Variants in SOX5 observed in about 807,000 individuals in gnomAD.
The protein encoded by SOX5 is SRY-box transcription factor 5.
A neutral mutation model predicts 92.0 loss-of-function variants in SOX5; 9 were observed. The ratio of observed to expected loss-of-function variants is 0.10; its 90% CI spans 0.06 to 0.17. The LOEUF (loss-of-function observed/expected upper bound fraction) is 0.17. Ranked by LOEUF, SOX5 falls within the 10% of genes least tolerant of loss-of-function variation. The pLI, the probability that SOX5 is intolerant of heterozygous loss-of-function variation, is 1.00. For missense variants in SOX5, 642 were observed against 944.5 expected, an observed-to-expected ratio of 0.68 and a Z score of 4.20; for synonymous variants, 344 against 336.3, an observed-to-expected ratio of 1.02 and a Z score of -0.25.
At chr12:23,822,881 C>T (rs1439581341) in intron 3 of SOX5, among the ~76,000 whole-genome samples, 1 of 152,026 alleles carries the variant, frequency 6.6e-6, no homozygotes, top group African/African-American at 2.4e-5. Flanking sequence ...TAGATAATGC[C>T]TTTCTTTGCC....
At chr12:24,427,650 T>A (rs1966854629) in intron 1 of SOX5, among the ~76,000 whole-genome samples, 1 of 152,230 alleles carries the variant, frequency 6.6e-6, no homozygotes, top group Non-Finnish European at 1.5e-5. Flanking sequence ...ATGGCAACAT[T>A]AAATCCATCT....
At chr12:23,557,230 A>C (rs1182853805) in intron 11 of SOX5, among the ~76,000 whole-genome samples, 1 of 152,206 alleles carries the variant, frequency 6.6e-6, no homozygotes, top group Non-Finnish European at 1.5e-5. Context: ...TGACTCAGAA[A>C]GGGTCAAAAA....
chr12:24,094,359 T>G (rs1945055044), intron 4 of SOX5, among the ~76,000 whole-genome samples: 1 of 152,216 alleles, frequency 6.6e-6, no homozygotes, highest in South Asian at 2.1e-4. Context: ...CTTTGTCTGT[T>G]TTGCTATTAT....
intron 1 of SOX5, among the ~76,000 whole-genome samples, chr12:24,375,552 T>C (rs1362010083): frequency 6.6e-6 from 1 of 151,426 alleles, no homozygotes; most frequent in African/African-American, 2.4e-5. Flanking sequence ...CTGGCCAACA[T>C]GGTAAAACCC....
At chr12:23,760,788 CA>C (rs2094542613) in intron 3 of SOX5, among the ~76,000 whole-genome samples, 1 of 152,116 alleles carries the variant, frequency 6.6e-6, no homozygotes, top group South Asian at 2.1e-4. Context: ...AATTCTCCAA[CA>C]AGCTGCCAGT....
chr12:23,533,026 C>T lies in SOX5; in HGVS notation c.*1193G>A, dbSNP rs1591807619. On this transcript the variant is annotated 3_prime_UTR_variant, in exon 15 of 15. Coordinates refer to ENST00000451604, the MANE Select transcript of SOX5 (RefSeq NM_006940.6). ...TAGCTTCCATGTTATACATGCACACCTCTATTACACAGGGCCACCTGATCC... is the reference window on the plus strand; with the variant it reads ...TAGCTTCCATGTTATACATGCACACTTCTATTACACAGGGCCACCTGATCC... 6.7e-6 allele frequency: 2 copies of T among 297,044 alleles called. No individual in the cohort carries two copies. Among genetic ancestry groups the T allele is most frequent in the East Asian group, 1.7e-4 (2 of 11,636 alleles). 18.4% of individuals were successfully genotyped at this position (297,044 alleles called of 1,614,324 possible).
At position 24,121,997 on chromosome 12, in the gene SOX5, G is replaced by C. The variant is rs1482452261; in HGVS notation, c.-2+91346C>G. Among the ~76,000 whole-genome samples the C allele has an allele frequency of 8.6e-5, 13 of 151,392 alleles. No individual in the cohort carries two copies. In the East Asian group the frequency reaches 2.3e-3, roughly 27 times the overall value. Reference sequence around the variant, plus strand: ...CAAGGAAAAAATTCATCTTGTTCATGCCCTAACTGAAGGGGGCTGATGATT... The same window carrying C: ...CAAGGAAAAAATTCATCTTGTTCATCCCCTAACTGAAGGGGGCTGATGATT... On this transcript the variant is annotated intron_variant, in intron 4 of 4. Coordinates refer to the SOX5 transcript ENST00000446891.
chr12:23,762,167 A>C (rs2094578387), intron 3 of SOX5, among the ~76,000 whole-genome samples: 1 of 152,158 alleles, frequency 6.6e-6, no homozygotes, highest in African/African-American at 2.4e-5. Flanking sequence ...AAAAACCAGA[A>C]GGCCCCTTAA....
intron 10 of SOX5, among the ~76,000 whole-genome samples, chr12:23,569,369 C>T (rs1182113812): frequency 6.6e-6 from 1 of 152,046 alleles, no homozygotes; most frequent in Non-Finnish European, 1.5e-5. Flanking sequence ...GTAAGAAATA[C>T]AAAATTAAAG....
chr12:24,232,108 C>CT (rs1011547058), intron 3 of SOX5, among the ~76,000 whole-genome samples: 32 of 151,912 alleles, frequency 2.1e-4, no homozygotes, highest in African/African-American at 2.4e-4. Flanking sequence ...TGTGTTTTTT[C>CT]TTTTTTTTCC....
chr12:24,185,742 A>T (rs1955950016), intron 4 of SOX5, among the ~76,000 whole-genome samples: 1 of 152,214 alleles, frequency 6.6e-6, no homozygotes, highest in Admixed American at 6.5e-5. Context: ...CCACATGTGT[A>T]AAACACTTGA....
intron 1 of SOX5, among the ~76,000 whole-genome samples, chr12:24,557,339 C>T (rs1597921562): frequency 6.7e-6 from 1 of 149,890 alleles, no homozygotes; most frequent in Non-Finnish European, 1.5e-5. Context: ...AACATCCCTC[C>T]GCCTGTGGAC....
intron 1 of SOX5, among the ~76,000 whole-genome samples, chr12:24,528,598 G>A (rs1391249457): frequency 1.3e-5 from 2 of 152,172 alleles, no homozygotes; most frequent in African/African-American, 4.8e-5. Context: ...CTTGGAAAAC[G>A]TCTCCACACT....
chr12:24,084,608 T>C lies in SOX5; in HGVS notation c.-2+128735A>G, dbSNP rs113979513. Among the ~76,000 whole-genome samples the C allele has an allele frequency of 3.0e-3, 456 of 152,212 alleles. 1 individual carries two copies. The highest frequency in any genetic ancestry group is 4.7e-3 in the Admixed American group (71 of 15,262). On this transcript the variant is annotated intron_variant, in intron 4 of 4. Transcript: ENST00000446891. ...AAATATTGGAAGTAAAATATGAACA[T>C]GGCACATTTCAACAATTCAAACGTC...
At chr12:23,646,949 C>T (rs1402689175) in intron 7 of SOX5, among the ~76,000 whole-genome samples, 1 of 152,176 alleles carries the variant, frequency 6.6e-6, no homozygotes, top group East Asian at 1.9e-4. Context: ...TTTTGACCTC[C>T]TCCCTCCCAT....
intron 1 of SOX5, among the ~76,000 whole-genome samples, chr12:24,504,419 C>T (rs959067994): frequency 2.6e-5 from 4 of 152,146 alleles, no homozygotes; most frequent in African/African-American, 9.7e-5. Context: ...TCACTTAAAC[C>T]TATACCTAAT....
intron 4 of SOX5, among the ~76,000 whole-genome samples, chr12:24,100,260 C>A (rs1945926667): frequency 6.6e-6 from 1 of 152,096 alleles, no homozygotes; most frequent in Non-Finnish European, 1.5e-5. Flanking sequence ...AGCTACAATT[C>A]TTAACACCTC....
intron 7 of SOX5, among the ~76,000 whole-genome samples, chr12:23,657,144 A>T (rs7965563): frequency 6.6e-6 from 1 of 151,520 alleles, no homozygotes; most frequent in Non-Finnish European, 1.5e-5. Context: ...GTGGAAATGG[A>T]AGCTGGATAA....
intron 1 of SOX5, among the ~76,000 whole-genome samples, chr12:24,488,352 G>C (rs1389796152): frequency 6.6e-6 from 1 of 152,134 alleles, no homozygotes. Flanking sequence ...GCTTTGAGAG[G>C]CCAAGGCAGG....
Sources: allele counts gnomAD v4.1 joint callset (sites outside exome capture counted in the v4.1 genomes callset), GRCh38; gene constraint gnomAD v4.1.1; transcripts MANE v1.5; gene names NCBI Gene and HGNC (gene_info 2026-07-23, HGNC 2026-07-21).